The following ALDH1L2 variants were observed in gnomAD, a reference collection of about 807,000 sequenced individuals.
ALDH1L2 encodes the protein aldehyde dehydrogenase 1 family member L2.
Under a neutral mutation model 111.0 loss-of-function variants are expected in ALDH1L2, and 91 were observed. The observed-to-expected ratio is 0.82, with a 90% CI of 0.69 to 0.98. ALDH1L2 has a LOEUF of 0.98. Among genes scored for constraint, ALDH1L2 ranks in the 50% least tolerant of loss-of-function variants. ALDH1L2 has a pLI of 0.00. For synonymous variants in ALDH1L2, 374 were observed against 392.6 expected, an observed-to-expected ratio of 0.95 and a Z score of 0.56; for missense variants, 995 against 1,126.8, an observed-to-expected ratio of 0.88 and a Z score of 1.67.
In ALDH1L2 at chr12:105,034,365, T is replaced by C; in HGVS notation, c.2179A>G (p.Asn727Asp). ...MGAVFFNKGE[N>D]CIAAGRLFVE... The stretch of plus-strand genomic sequence containing the variant: ...AACAACCGCCCAGCAGCAATACAGT[T>C]CTCTCCTTTGTTGAAAAATACTGCT... The change falls in exon 19 of 23, where the codon AAC (asparagine) becomes GAC (aspartate). Residue 727 changes from asparagine to aspartate, a missense_variant. Asn to Asp is a conservative substitution (Grantham distance 23, BLOSUM62 1). Coordinates refer to ENST00000258494, the MANE Select transcript of ALDH1L2 (RefSeq NM_001034173.4). 1 of 1,611,954 alleles carries C rather than the reference T, an allele frequency of 6.2e-7. No homozygotes were observed. The highest frequency in any genetic ancestry group is 8.5e-7 in the Non-Finnish European group (1 of 1,179,530).
At chr12:105,053,594 G>T (rs1285343429) in intron 10 of ALDH1L2, among the ~76,000 whole-genome samples, 1 of 152,146 alleles carries the variant, frequency 6.6e-6, no homozygotes, top group East Asian at 1.9e-4. Context: ...TCACAGAGAG[G>T]AATTGTCAGT....
Position 105,070,696 on chromosome 12 carries a change from T to C in ALDH1L2, c.302A>G (p.Glu101Gly), listed in dbSNP as rs1257170111. ...AGTGCAGAAAGGGAGCACATTTAGC[T>C]CTGCACCCACGGATCTGTAGGCTTC... ...VAEAYRSVGAELNVLPFCTQF... is the reference protein window; with the variant it reads ...VAEAYRSVGAGLNVLPFCTQF... Residue 101 changes from glutamate (E) to glycine (G), a missense_variant, in exon 3 of 23, where the codon GAG (glutamate) becomes GGG (glycine). Glu to Gly is a moderately conservative substitution (Grantham distance 98, BLOSUM62 -2). Transcript: ENST00000258494. The C allele has an allele frequency of 1.2e-6, 2 of 1,614,214 alleles. No individual in the cohort carries two copies. The highest frequency in any genetic ancestry group is 1.7e-6 in the Non-Finnish European group (2 of 1,180,044).
chr12:105,061,100 G>T, intron 8 of ALDH1L2, 28 bp from the exon 9 acceptor site: 1 of 1,581,058 alleles, frequency 6.3e-7, no homozygotes. Flanking sequence ...TCTTATGAGG[G>T]AAGTGCCACG....
chr12:105,083,651 A>C (rs562982324), intron 1 of ALDH1L2, among the ~76,000 whole-genome samples: 4 of 151,654 alleles, frequency 2.6e-5, no homozygotes, highest in Admixed American at 6.6e-5. Context: ...TCTCTTCCCT[A>C]AACAGTCCCG....
At chr12:105,056,938 C>T (rs1331919904) in intron 10 of ALDH1L2, among the ~76,000 whole-genome samples, 15 of 150,954 alleles carry the variant, frequency 9.9e-5, no homozygotes, top group African/African-American at 3.6e-4. Context: ...AAATTAAAAC[C>T]TGTTGTGTGT....
chr12:105,058,259 A>T (rs2136085394), intron 9 of ALDH1L2, 39 bp from the exon 10 acceptor site: 4 of 1,572,630 alleles, frequency 2.5e-6, no homozygotes, highest in South Asian at 1.2e-5. Flanking sequence ...TTAGATTTTT[A>T]AAAGGGGTTA....
chr12:105,028,899 T>C (rs1164369838), intron 21 of ALDH1L2, among the ~76,000 whole-genome samples: 4 of 152,246 alleles, frequency 2.6e-5, no homozygotes, highest in African/African-American at 9.6e-5. Context: ...AATGCTCTAT[T>C]GATGTCCCTA....
At position 105,023,818 on chromosome 12, in the gene ALDH1L2, A is replaced by G. The variant is rs951642481; in HGVS notation, c.*606T>C. 1 of 152,214 alleles carries G rather than the reference A, an allele frequency of 6.6e-6. No homozygotes were observed. Among genetic ancestry groups the G allele is most frequent in the African/African-American group, 2.4e-5 (1 of 41,440 alleles). The allele number at this position is 152,214 out of a possible 1,614,324, so 9.4% of individuals were successfully genotyped here. On this transcript the variant is annotated 3_prime_UTR_variant, in exon 23 of 23. Coordinates refer to ENST00000258494, the MANE Select transcript of ALDH1L2 (RefSeq NM_001034173.4). ...CAGCCATCATATCATTAAATTCTCT[A>G]TACTCCTCAGAACATAATATAGTAC... is the stretch of plus-strand genomic sequence containing the variant.
chr12:105,036,509 ATAT>A (rs1361875419), intron 18 of ALDH1L2, among the ~76,000 whole-genome samples: 7 of 77,286 alleles, frequency 9.1e-5, no homozygotes, highest in Admixed American at 1.9e-4. Flanking sequence ...ATGTATATAT[ATAT>A]TTTATATATA....
intron 12 of ALDH1L2, among the ~76,000 whole-genome samples, chr12:105,051,853 C>T (rs562807181): frequency 1.7e-4 from 25 of 148,760 alleles, no homozygotes; most frequent in Non-Finnish European, 3.1e-4. Flanking sequence ...GGTGCACTCT[C>T]GGCTCACTAC....
In ALDH1L2 at chr12:105,022,345, G is replaced by A. The variant is rs915586020; in HGVS notation, c.*2079C>T. 1 of 152,148 alleles carries A rather than the reference G, an allele frequency of 6.6e-6. No homozygotes were observed. The highest frequency in any genetic ancestry group is 2.1e-4 in the South Asian group (1 of 4,828). 9.4% of individuals were successfully genotyped at this position (152,148 alleles called of 1,614,324 possible). ...TGTGTGTGTGCACATGAATTTTGGG[G>A]GTAGAAGCGGGACACAGGGAGTGTT... On this transcript the variant is annotated 3_prime_UTR_variant, in exon 23 of 23. Coordinates refer to ENST00000258494, the MANE Select transcript of ALDH1L2 (RefSeq NM_001034173.4).
intron 21 of ALDH1L2, among the ~76,000 whole-genome samples, 189 bp from the exon 22 acceptor site, chr12:105,026,933 A>G (rs1874443377): frequency 6.6e-6 from 1 of 152,234 alleles, no homozygotes; most frequent in Non-Finnish European, 1.5e-5. Context: ...CAGTGGCACA[A>G]TCATAGCTCA....
At chr12:105,040,371 T>A (rs1309785283) in intron 16 of ALDH1L2, among the ~76,000 whole-genome samples, 1 of 152,088 alleles carries the variant, frequency 6.6e-6, no homozygotes, top group African/African-American at 2.4e-5. Flanking sequence ...ATGGAACATC[T>A]TAGGGTAATT....
At chr12:105,039,645 C>T in intron 17 of ALDH1L2, 68 bp downstream of exon 17, 1 of 1,356,970 alleles carries the variant, frequency 7.4e-7, no homozygotes, top group Non-Finnish European at 1.1e-6. Flanking sequence ...AAAAAGTACC[C>T]TGTTTAAACA....
At chr12:105,042,331 T>A (rs1875588775) in intron 15 of ALDH1L2, among the ~76,000 whole-genome samples, 1 of 152,232 alleles carries the variant, frequency 6.6e-6, no homozygotes, top group Non-Finnish European at 1.5e-5. Flanking sequence ...ATAGAGAAAG[T>A]AATTTGAGAA....
chr12:105,076,860 G>A (rs1264425882), intron 1 of ALDH1L2, among the ~76,000 whole-genome samples: 1 of 152,128 alleles, frequency 6.6e-6, no homozygotes, highest in Admixed American at 6.5e-5. Context: ...TTTATCAAAT[G>A]CTTATTATAC....
chr12:105,055,436 G>A (rs1876552806), intron 10 of ALDH1L2, among the ~76,000 whole-genome samples: 1 of 152,342 alleles, frequency 6.6e-6, no homozygotes, highest in Non-Finnish European at 1.5e-5. Flanking sequence ...AACAAATGTT[G>A]TGAAGGGAGA....
chr12:105,075,100 C>T (rs1877972679), intron 1 of ALDH1L2, among the ~76,000 whole-genome samples: 2 of 152,190 alleles, frequency 1.3e-5, no homozygotes, highest in Admixed American at 1.3e-4. Context: ...TGTTTGCCAC[C>T]TTACAAAAAT....
In ALDH1L2 at chr12:105,026,626, C is replaced by T; in HGVS notation, c.2635G>A (p.Val879Ile). 6.2e-7 allele frequency: 1 copy of T among 1,614,164 alleles called. No individual in the cohort carries two copies. Among genetic ancestry groups the T allele is most frequent in the Non-Finnish European group, 8.5e-7 (1 of 1,180,014 alleles). The stretch of plus-strand genomic sequence containing the variant: ...GTCTTGTTGTATGTGTTAATAAAAA[C>T]AGTTCCTGCTTCCAGTTTTTCACTC... The part of the protein sequence containing the change: ...YVSEKLEAGT[V>I]FINTYNKTDV... The change falls in exon 22 of 23, where the codon GTT becomes ATT. Residue 879 changes from valine to isoleucine, a missense_variant. By Grantham distance (29) the Val-to-Ile change is conservative (BLOSUM62 3). Coordinates refer to ENST00000258494, the MANE Select transcript of ALDH1L2 (RefSeq NM_001034173.4).
Sources: allele counts gnomAD v4.1 joint callset (sites outside exome capture counted in the v4.1 genomes callset), GRCh38; gene constraint gnomAD v4.1.1; transcripts MANE v1.5; gene names NCBI Gene and HGNC (gene_info 2026-07-23, HGNC 2026-07-21).